The following SOX6 variants were observed in gnomAD, a reference collection of about 807,000 sequenced individuals.
The protein encoded by SOX6 is SRY-box transcription factor 6, also known as transcription factor SOX-6.
SOX6 carries 11 observed loss-of-function variants against 97.8 expected under a neutral mutation model. The observed-to-expected ratio is 0.11, with a 90% CI of 0.07 to 0.19. The LOEUF (loss-of-function observed/expected upper bound fraction) is 0.19, where lower values mean the gene tolerates loss of function less well. Among genes scored for constraint, SOX6 ranks in the 10% least tolerant of loss-of-function variants. SOX6 has a pLI of 1.00. For synonymous variants in SOX6, 360 were observed against 371.4 expected (o/e 0.97, Z 0.35); for missense variants, 810 against 1,039.5 (o/e 0.78, Z 3.04).
chr11:16,209,491 C>T (rs1448240508), intron 4 of SOX6, among the ~76,000 whole-genome samples: 1 of 152,152 alleles, frequency 6.6e-6, no homozygotes, highest in Non-Finnish European at 1.5e-5. Context: ...CAGGGTGGCT[C>T]ACACCGGTAA....
At chr11:16,409,210 C>T (rs757535774) in intron 1 of SOX6, among the ~76,000 whole-genome samples, 3 of 151,454 alleles carry the variant, frequency 2.0e-5, no homozygotes, top group Admixed American at 6.6e-5. Context: ...TATGACAGAG[C>T]CTTATGGCGA....
chr11:16,011,848 T>C (rs1484067438), intron 13 of SOX6, among the ~76,000 whole-genome samples: 3 of 152,066 alleles, frequency 2.0e-5, no homozygotes, highest in South Asian at 4.1e-4. Flanking sequence ...GGCACAGAAC[T>C]TACTTATCAA....
At chr11:16,726,989 CCTGA>C (rs2084116495) in intron 2 of SOX6, among the ~76,000 whole-genome samples, 1 of 151,916 alleles carries the variant, frequency 6.6e-6, no homozygotes, top group African/African-American at 2.4e-5. Flanking sequence ...TATTTGTGAC[CCTGA>C]CTTTTTTAAA....
chr11:16,288,829 C>G (rs1854826269), intron 3 of SOX6, among the ~76,000 whole-genome samples: 1 of 151,904 alleles, frequency 6.6e-6, no homozygotes, highest in South Asian at 2.1e-4. Flanking sequence ...ATTCAGAGAT[C>G]TACAATCCTG....
intron 12 of SOX6, among the ~76,000 whole-genome samples, chr11:16,042,195 A>T (rs1825540707): frequency 6.6e-6 from 1 of 152,202 alleles, no homozygotes; most frequent in African/African-American, 2.4e-5. Context: ...GAGACCCAGG[A>T]TTAATCAACT....
chr11:16,492,200 TAAAAGG>T (rs771667839), intron 4 of SOX6, among the ~76,000 whole-genome samples: 1 of 152,086 alleles, frequency 6.6e-6, no homozygotes, highest in Non-Finnish European at 1.5e-5. Flanking sequence ...CATAAGAGAG[TAAAAGG>T]CATCTTTTAG....
chr11:16,568,686 A>C (rs1243550772), intron 4 of SOX6, among the ~76,000 whole-genome samples: 1 of 152,234 alleles, frequency 6.6e-6, no homozygotes, highest in African/African-American at 2.4e-5. Context: ...CATTATATGC[A>C]TTTAAAAAGT....
chr11:16,683,738 A>G (rs1847946520), intron 3 of SOX6, among the ~76,000 whole-genome samples: 1 of 152,230 alleles, frequency 6.6e-6, no homozygotes, highest in Admixed American at 6.5e-5. Context: ...GACAAATGGG[A>G]TCTAATTAAA....
chr11:16,529,253 T>C (rs1347855691), intron 4 of SOX6, among the ~76,000 whole-genome samples: 1 of 152,102 alleles, frequency 6.6e-6, no homozygotes, highest in African/African-American at 2.4e-5. Context: ...ATTAGAGTTA[T>C]AGAAGCACCA....
At chr11:16,467,623 T>C (rs1860066680) in intron 1 of SOX6, among the ~76,000 whole-genome samples, 1 of 152,070 alleles carries the variant, frequency 6.6e-6, no homozygotes, top group Admixed American at 6.6e-5. Flanking sequence ...CAACACACAC[T>C]GGGGCTTATC....
At chr11:16,666,920 G>A (rs1308253497) in intron 3 of SOX6, among the ~76,000 whole-genome samples, 1 of 152,060 alleles carries the variant, frequency 6.6e-6, no homozygotes, top group African/African-American at 2.4e-5. Flanking sequence ...AGAAAGTAGA[G>A]GGAGAGACAG....
At chr11:16,230,693 A>G (rs974288328) in intron 4 of SOX6, among the ~76,000 whole-genome samples, 7 of 151,788 alleles carry the variant, frequency 4.6e-5, no homozygotes, top group African/African-American at 1.7e-4. Context: ...TGGAATTTTA[A>G]TTAACAACTT....
At chr11:16,231,227 A>C (rs2134171193) in intron 4 of SOX6, among the ~76,000 whole-genome samples, 1 of 151,894 alleles carries the variant, frequency 6.6e-6, no homozygotes, top group South Asian at 2.1e-4. Context: ...AAAATGCAAC[A>C]TATATCACAA....
chr11:16,355,860 T>A (rs1165091915), intron 1 of SOX6, among the ~76,000 whole-genome samples: 4 of 152,028 alleles, frequency 2.6e-5, no homozygotes, highest in Non-Finnish European at 5.9e-5. Context: ...GGTATGCATA[T>A]TCAACCCTCA....
rs185874018 is a variant in SOX6 at position 16,584,001 on chromosome 11, G to T, written n.609+28080C>A. Among the ~76,000 whole-genome samples, 5 of 152,200 alleles carry T rather than the reference G, an allele frequency of 3.3e-5. No individual in the cohort carries two copies. In the East Asian group the frequency reaches 9.7e-4, roughly 29 times the overall value. On this transcript the variant is annotated intron_variant and non_coding_transcript_variant, in intron 4 of 5. Transcript: ENST00000524520. ...TGGTTTTGATTTGTATCTCCCTGAT[G>T]ATTAGTAATGTTGAGCAATTTATAA...
At chr11:16,228,177 G>A (rs981333994) in intron 4 of SOX6, among the ~76,000 whole-genome samples, 5 of 143,362 alleles carry the variant, frequency 3.5e-5, no homozygotes, top group African/African-American at 1.1e-4. Context: ...CTGCCTAGGC[G>A]ACAGAACAAG....
In SOX6 at chr11:16,071,382, G is replaced by A. The variant is rs1270424223; in HGVS notation, c.1102-15481C>T. Among the ~76,000 whole-genome samples the A allele has an allele frequency of 3.9e-5, 6 of 152,152 alleles. No homozygotes were observed. The East Asian group carries it at 9.6e-4, about 24-fold the overall frequency. ...TTCTGTCTGAACTTAGCCAGCAGGT[G>A]CAGCTTCCTGATGTCCTGGGAAGTG... On this transcript the variant is annotated intron_variant, in intron 9 of 15. Coordinates refer to ENST00000683767, the MANE Select transcript of SOX6 (RefSeq NM_001367873.1).
At chr11:16,611,018 C>T (rs2133982458) in intron 4 of SOX6, among the ~76,000 whole-genome samples, 1 of 152,312 alleles carries the variant, frequency 6.6e-6, no homozygotes, top group Admixed American at 6.5e-5. Flanking sequence ...GAAGGAGGGG[C>T]GAGCGGGTGG....
At position 16,184,238 on chromosome 11, in the gene SOX6, C is replaced by A. The variant is rs146636765; in HGVS notation, c.709-284G>T. ...CTGGAAATCATGGGATTTTAGAAAT[C>A]GAATCCTTGTAGAATAGAGATAGAA... On this transcript the variant is annotated intron_variant, in intron 5 of 15. Coordinates refer to ENST00000683767, the MANE Select transcript of SOX6 (RefSeq NM_001367873.1). Among the ~76,000 whole-genome samples, 151 of 152,138 alleles carry A rather than the reference C, an allele frequency of 9.9e-4. 1 individual carries two copies. Among genetic ancestry groups the A allele is most frequent in the African/African-American group, 3.5e-3 (147 of 41,508 alleles).
Sources: allele counts gnomAD v4.1 joint callset (sites outside exome capture counted in the v4.1 genomes callset), GRCh38; gene constraint gnomAD v4.1.1; transcripts MANE v1.5; gene names NCBI Gene and HGNC (gene_info 2026-07-23, HGNC 2026-07-21).